Variants in OTOGL observed in about 807,000 individuals in gnomAD.
OTOGL encodes otogelin-like protein.
In OTOGL, 285 loss-of-function variants were observed where a neutral mutation model predicts 318.5. The ratio of observed to expected loss-of-function variants is 0.89; its 90% CI spans 0.81 to 0.99. The LOEUF is 0.99. Among genes scored for constraint, OTOGL ranks in the 50% least tolerant of loss-of-function variants. OTOGL has a pLI of 0.00. For missense variants in OTOGL, 2,899 were observed against 2,845.6 expected (o/e 1.02, Z -0.43); for synonymous variants, 987 against 936.5 (o/e 1.05, Z -0.99).
At chr12:80,233,649 T>C (rs1290739000) in intron 9 of OTOGL, among the ~76,000 whole-genome samples, 1 of 152,202 alleles carries the variant, frequency 6.6e-6, no homozygotes, top group African/African-American at 2.4e-5. Context: ...GTTATGAAAC[T>C]AAAAGTGAGT....
In OTOGL at chr12:80,336,833, A is replaced by G. The variant is rs1344603753; in HGVS notation, c.4767+13A>G. The G allele has an allele frequency of 6.5e-7, 1 of 1,535,284 alleles. No homozygotes were observed. The highest frequency in any genetic ancestry group is 8.8e-7 in the Non-Finnish European group (1 of 1,133,794). The stretch of plus-strand genomic sequence containing the variant: ...CTTAAAAAAGCTAGTGAGTATTTGC[A>G]AAGTGTTTAGTACATTCATTCTGTT... On this transcript the variant is annotated intron_variant, in intron 41 of 58. Coordinates refer to ENST00000547103, the MANE Select transcript of OTOGL (RefSeq NM_001378609.3).
chr12:80,308,150 A>C (rs1220378353), intron 29 of OTOGL, among the ~76,000 whole-genome samples: 112 of 106,192 alleles, frequency 1.1e-3, no homozygotes, highest in African/African-American at 1.6e-3. Flanking sequence ...GGGGGCTGAC[A>C]CCCCCACCTC....
chr12:80,349,592 A>G (rs1288130337), intron 44 of OTOGL, among the ~76,000 whole-genome samples: 1 of 152,166 alleles, frequency 6.6e-6, no homozygotes, highest in African/African-American at 2.4e-5. Flanking sequence ...AAGCAAGTGG[A>G]CGTGCTAATG....
At chr12:80,358,132 T>A in intron 49 of OTOGL, 116 bp from the exon 50 acceptor site, 1 of 709,258 alleles carries the variant, frequency 1.4e-6, no homozygotes, top group Non-Finnish European at 2.4e-6. Flanking sequence ...ACCTCATGTT[T>A]CTTTTACTAT....
chr12:80,154,199 C>T (rs1872969965), intron 1 of OTOGL, among the ~76,000 whole-genome samples: 1 of 152,068 alleles, frequency 6.6e-6, no homozygotes, highest in South Asian at 2.1e-4. Context: ...GTCCCAGCTA[C>T]TCGGGAGACT....
chr12:80,168,778 C>T (rs1287571874), intron 1 of OTOGL, among the ~76,000 whole-genome samples: 1 of 152,126 alleles, frequency 6.6e-6, no homozygotes, highest in Non-Finnish European at 1.5e-5. Flanking sequence ...TATCTTCTTT[C>T]AGGGGACAGA....
chr12:80,236,397 C>T (rs574861004), intron 9 of OTOGL, among the ~76,000 whole-genome samples: 1 of 152,148 alleles, frequency 6.6e-6, no homozygotes, highest in African/African-American at 2.4e-5. Flanking sequence ...GGCTCCCACA[C>T]CACCATTAGA....
At position 80,296,979 on chromosome 12, in the gene OTOGL, T is replaced by C. The variant is rs879207075; in HGVS notation, c.3063+18T>C. ...ACAAACAGGTTAGTGAATTATTTCTTTCAGGATCATTTGAACTTGTCCTGA... is the reference window on the plus strand; with the variant it reads ...ACAAACAGGTTAGTGAATTATTTCTCTCAGGATCATTTGAACTTGTCCTGA... On this transcript the variant is annotated intron_variant, in intron 27 of 58. Coordinates refer to ENST00000547103, the MANE Select transcript of OTOGL (RefSeq NM_001378609.3). 2 of 1,514,956 alleles carry C rather than the reference T, an allele frequency of 1.3e-6. No individual in the cohort carries two copies. The highest frequency in any genetic ancestry group is 1.8e-6 in the Non-Finnish European group (2 of 1,125,546). 93.8% of individuals were successfully genotyped at this position (1,514,956 alleles called of 1,614,324 possible). A position where few individuals can be genotyped will look rare whatever the true frequency, so the allele number is the denominator to read the frequency against.
intron 1 of OTOGL, among the ~76,000 whole-genome samples, chr12:80,123,673 A>G (rs917067464): frequency 6.6e-6 from 1 of 151,904 alleles, no homozygotes; most frequent in Non-Finnish European, 1.5e-5. Flanking sequence ...AAGTGTTCCC[A>G]TTTCTCCACA....
chr12:80,297,760 T>C (rs1046693581), intron 27 of OTOGL, among the ~76,000 whole-genome samples: 2 of 152,232 alleles, frequency 1.3e-5, no homozygotes, highest in Non-Finnish European at 2.9e-5. Flanking sequence ...TGCCTGCTCT[T>C]TCATTACTTT....
chr12:80,236,465 T>C (rs1879854874), intron 9 of OTOGL, among the ~76,000 whole-genome samples: 1 of 152,184 alleles, frequency 6.6e-6, no homozygotes, highest in Non-Finnish European at 1.5e-5. Flanking sequence ...CAGTATAAAA[T>C]AGCTAAATAC....
chr12:80,354,474 T>C (rs1443989031), intron 46 of OTOGL, among the ~76,000 whole-genome samples: 1 of 152,210 alleles, frequency 6.6e-6, no homozygotes, highest in East Asian at 1.9e-4. Context: ...TTTGTAATTA[T>C]ATTTTCGAAC....
Position 80,367,804 on chromosome 12 carries a change from A to C in OTOGL, c.6510+65A>C. The C allele has an allele frequency of 2.6e-6, 3 of 1,142,514 alleles. No homozygotes were observed. In the South Asian group the frequency reaches 7.2e-5, roughly 27 times the overall value. 70.8% of individuals were successfully genotyped at this position (1,142,514 alleles called of 1,614,324 possible). On this transcript the variant is annotated intron_variant, in intron 54 of 58. Coordinates refer to ENST00000547103, the MANE Select transcript of OTOGL (RefSeq NM_001378609.3). ...CATTCAAAAATGGCAGAGTTATAGA[A>C]TTTGAAATGGTGAATACTCCATTAG...
chr12:80,296,725 T>C, intron 26 of OTOGL, 102 bp from the exon 27 acceptor site: 1 of 923,618 alleles, frequency 1.1e-6, no homozygotes, highest in Non-Finnish European at 1.5e-6. Context: ...TTTTCAGTTC[T>C]AATGCAATCC....
intron 11 of OTOGL, among the ~76,000 whole-genome samples, chr12:80,240,701 T>C (rs528825942): frequency 3.9e-5 from 6 of 152,192 alleles, no homozygotes; most frequent in South Asian, 2.1e-4. Flanking sequence ...TAAGTTTCCA[T>C]TGGAAATTAA....
At chr12:80,345,717 A>T (rs1349692889) in intron 44 of OTOGL, among the ~76,000 whole-genome samples, 1 of 152,180 alleles carries the variant, frequency 6.6e-6, no homozygotes, top group Non-Finnish European at 1.5e-5. Context: ...AAAATACTAT[A>T]AAAAAGTTTG....
rs1246282756 is a variant in OTOGL, at chr12:80,296,815, G to T, written c.2929-12G>T. ...ATATATTTGTATTAATAAAATATTT[G>T]TGACATTTCAGAGTGCAGATGATTC... On this transcript the variant is annotated splice_polypyrimidine_tract_variant and intron_variant, in intron 26 of 58. Transcript: ENST00000547103. 3 of 1,430,152 alleles carry T rather than the reference G, an allele frequency of 2.1e-6. No individual in the cohort carries two copies. Among genetic ancestry groups the T allele is most frequent in the Admixed American group, 2.1e-5 (1 of 46,608 alleles). 88.6% of individuals were successfully genotyped at this position (1,430,152 alleles called of 1,614,324 possible).
intron 1 of OTOGL, among the ~76,000 whole-genome samples, chr12:80,206,413 G>A (rs935629173): frequency 1.3e-5 from 2 of 152,184 alleles, no homozygotes; most frequent in Non-Finnish European, 2.9e-5. Flanking sequence ...CCTACTATGA[G>A]CCTGGATGGA....
chr12:80,278,978 CTAGT>C lies in OTOGL; in HGVS notation c.2790-46_2790-43del, dbSNP rs372121078. On this transcript the variant is annotated intron_variant, in intron 25 of 58. Transcript: ENST00000547103. ...CCAATGTTGCTGTCACTTGAAATCA[CTAGT>C]TAGAGTCGTTTCTTTAGAAAGGTAA... The C allele has an allele frequency of 2.9e-4, 454 of 1,566,430 alleles. 1 individual carries two copies. The African/African-American group carries it at 5.9e-3, about 20-fold the overall frequency.
Sources: gnomAD v4.1 joint callset for allele counts (sites outside exome capture counted in the v4.1 genomes callset) on GRCh38, gnomAD v4.1.1 for gene constraint, MANE v1.5 for transcripts, NCBI Gene and HGNC (gene_info 2026-07-23, HGNC 2026-07-21) for gene names.